Variants in XRCC5 observed in about 807,000 individuals in gnomAD.
The protein encoded by XRCC5 is X-ray repair cross complementing 5.
XRCC5 carries 12 observed loss-of-function variants against 95.7 expected under a neutral mutation model. The ratio of observed to expected loss-of-function variants is 0.13; its 90% CI spans 0.08 to 0.20. XRCC5 has a LOEUF of 0.20. XRCC5 is among the 10% of genes least tolerant of loss of function. The pLI is 1.00. For synonymous variants in XRCC5, 281 were observed against 290.3 expected, an observed-to-expected ratio of 0.97 and a Z score of 0.33; for missense variants, 595 against 873.9, an observed-to-expected ratio of 0.68 and a Z score of 4.02.
chr2:216,143,386 A>C (rs1697201335), intron 13 of XRCC5, among the ~76,000 whole-genome samples: 1 of 152,234 alleles, frequency 6.6e-6, no homozygotes, highest in Non-Finnish European at 1.5e-5. Flanking sequence ...AAAGCTTACC[A>C]AAATGGTTCA....
chr2:216,116,951 ATT>A, intron 3 of XRCC5, 109 bp downstream of exon 3: 1 of 1,273,930 alleles, frequency 7.8e-7, no homozygotes, highest in Non-Finnish European at 1.1e-6. Flanking sequence ...ATATGGGTAT[ATT>A]TTGCTCTGAG....
At position 216,113,060 on chromosome 2, in the gene XRCC5, C is replaced by G; in HGVS notation, c.66C>G (p.Asn22Lys). ...TGGACGTGGGCTTTACCATGAGTAA[C>G]TCCATTCCTGGTATAGAATCCCCAT... is the stretch of plus-strand genomic sequence containing the variant. The part of the protein sequence containing the change: ...LCMDVGFTMS[N>K]SIPGIESPFE... Residue 22 changes from asparagine (N) to lysine (K), a missense_variant, in exon 2 of 21, where the codon AAC becomes AAG. By Grantham distance (94) the Asn-to-Lys change is moderately conservative (BLOSUM62 0). Coordinates refer to ENST00000392132, the MANE Select transcript of XRCC5 (RefSeq NM_021141.4). The G allele has an allele frequency of 6.2e-7, 1 of 1,614,160 alleles. No individual in the cohort carries two copies. The highest frequency in any genetic ancestry group is 1.1e-5 in the South Asian group (1 of 91,086).
chr2:216,173,960 A>T (rs896771344), intron 16 of XRCC5, among the ~76,000 whole-genome samples: 5 of 152,220 alleles, frequency 3.3e-5, no homozygotes, highest in Non-Finnish European at 7.3e-5. Flanking sequence ...ACACTAAGAC[A>T]GCTAATATTT....
chr2:216,160,544 A>G (rs553744548), intron 15 of XRCC5, among the ~76,000 whole-genome samples: 2 of 152,156 alleles, frequency 1.3e-5, no homozygotes, highest in East Asian at 1.9e-4. Flanking sequence ...TAACTTTCCT[A>G]TTTTCTAACA....
intron 2 of XRCC5, 142 bp downstream of exon 2, chr2:216,113,271 CACAT>C (rs1184757120): frequency 4.7e-6 from 3 of 631,966 alleles, no homozygotes; most frequent in East Asian, 2.9e-5. Flanking sequence ...TACATGTACT[CACAT>C]ACAACTTCAC....
At chr2:216,197,030 A>T (rs1237865563) in intron 19 of XRCC5, among the ~76,000 whole-genome samples, 2 of 152,338 alleles carry the variant, frequency 1.3e-5, no homozygotes, top group East Asian at 1.9e-4. Context: ...GCCATGACCT[A>T]AAAAAGCTTG....
chr2:216,129,665 A>G (rs776927623), intron 8 of XRCC5, among the ~76,000 whole-genome samples: 2 of 152,158 alleles, frequency 1.3e-5, no homozygotes, highest in African/African-American at 2.4e-5. Flanking sequence ...AAAGACATAC[A>G]TGGAAATAAA....
intron 15 of XRCC5, among the ~76,000 whole-genome samples, chr2:216,160,406 G>A (rs1009015855): frequency 6.6e-6 from 1 of 152,112 alleles, no homozygotes; most frequent in South Asian, 2.1e-4. Context: ...ATAGAACGTG[G>A]AACATCTCAG....
intron 16 of XRCC5, among the ~76,000 whole-genome samples, chr2:216,181,288 C>G (rs1007102516): frequency 6.6e-6 from 1 of 152,162 alleles, no homozygotes; most frequent in Non-Finnish European, 1.5e-5. Flanking sequence ...TAATAACCTT[C>G]AAAGTTCTCC....
At chr2:216,138,255 G>A (rs770356776) in intron 12 of XRCC5, 76 bp downstream of exon 12, 137 of 1,337,758 alleles carry the variant, frequency 1.0e-4, no homozygotes, top group Non-Finnish European at 1.4e-4. Flanking sequence ...GCTAGTTGTT[G>A]GTTGGGGCTA....
At chr2:216,185,701 A>C (rs1385293728) in intron 16 of XRCC5, among the ~76,000 whole-genome samples, 1 of 145,254 alleles carries the variant, frequency 6.9e-6, no homozygotes, top group East Asian at 2.0e-4. Flanking sequence ...TTTGAGATGG[A>C]ATCTCACTCT....
intron 16 of XRCC5, among the ~76,000 whole-genome samples, chr2:216,171,025 G>A (rs1689155636): frequency 6.6e-6 from 1 of 152,208 alleles, no homozygotes; most frequent in Non-Finnish European, 1.5e-5. Context: ...TTGTGCTGAT[G>A]TGCAAACTGC....
chr2:216,112,351 C>T (rs571364582), intron 1 of XRCC5, among the ~76,000 whole-genome samples: 14 of 152,344 alleles, frequency 9.2e-5, no homozygotes, highest in African/African-American at 2.6e-4. Context: ...CTCTGGTATC[C>T]CCTCCACCAG....
At chr2:216,193,543 T>C (rs1311361220) in intron 18 of XRCC5, among the ~76,000 whole-genome samples, 2 of 152,194 alleles carry the variant, frequency 1.3e-5, no homozygotes, top group Non-Finnish European at 2.9e-5. Flanking sequence ...CAGGTAACTG[T>C]TTTCCTGACA....
intron 16 of XRCC5, among the ~76,000 whole-genome samples, chr2:216,164,398 T>C (rs1036556013): frequency 1.3e-5 from 2 of 152,272 alleles, no homozygotes; most frequent in African/African-American, 4.8e-5. Context: ...GGCATTGTGC[T>C]AGCACTTTTA....
chr2:216,135,935 T>C (rs541157103), intron 10 of XRCC5, among the ~76,000 whole-genome samples: 94 of 152,226 alleles, frequency 6.2e-4, no homozygotes, highest in African/African-American at 2.2e-3. Flanking sequence ...ATAGTAAGTT[T>C]AGGTTTTAGT....
intron 16 of XRCC5, among the ~76,000 whole-genome samples, chr2:216,172,043 G>T (rs1401518685): frequency 6.6e-6 from 1 of 152,296 alleles, no homozygotes; most frequent in South Asian, 2.1e-4. Context: ...GCACACAGGT[G>T]GTGGGAGGTT....
chr2:216,141,546 T>C (rs1329307194), intron 13 of XRCC5, among the ~76,000 whole-genome samples: 1 of 74,672 alleles, frequency 1.3e-5, no homozygotes, highest in African/African-American at 4.1e-5. Context: ...TTTTCTTTTT[T>C]TTTTTTTTTT....
intron 14 of XRCC5, among the ~76,000 whole-genome samples, chr2:216,151,407 G>T (rs542020258): frequency 6.6e-6 from 1 of 152,154 alleles, no homozygotes. Context: ...TGTTTATGCA[G>T]GTGGTCTAAA....
Sources: allele counts gnomAD v4.1 joint callset (sites outside exome capture counted in the v4.1 genomes callset), GRCh38; gene constraint gnomAD v4.1.1; transcripts MANE v1.5; gene names NCBI Gene and HGNC (gene_info 2026-07-23, HGNC 2026-07-21).